IL33: variants seen among roughly 807,000 people sequenced by gnomAD.
IL33 encodes the protein interleukin 33.
A neutral mutation model predicts 27.3 loss-of-function variants in IL33; 37 were observed. The ratio of observed to expected loss-of-function variants is 1.36; its 90% CI spans 1.04 to 1.78. The LOEUF (loss-of-function observed/expected upper bound fraction) is 1.78, where lower values mean the gene tolerates loss of function less well. Among genes scored for constraint, IL33 ranks in the 40% most tolerant of loss-of-function variants. IL33 has a pLI of 0.00. For synonymous variants in IL33, 132 were observed against 102.9 expected, an observed-to-expected ratio of 1.28 and a Z score of -1.71; for missense variants, 406 against 311.4, an observed-to-expected ratio of 1.30 and a Z score of -2.29.
chr9:6,229,668 T>C (rs1281040372), intron 1 of IL33, among the ~76,000 whole-genome samples: 1 of 152,152 alleles, frequency 6.6e-6, no homozygotes. Flanking sequence ...CCTTACTTAG[T>C]TTATAGGGTT....
chr9:6,244,530 A>C (rs1170494068), intron 2 of IL33, among the ~76,000 whole-genome samples: 1 of 152,140 alleles, frequency 6.6e-6, no homozygotes, highest in Non-Finnish European at 1.5e-5. Flanking sequence ...AGAACAACAT[A>C]CTGTAATGAA....
chr9:6,221,376 C>T (rs200402587), intron 1 of IL33, among the ~76,000 whole-genome samples: 24 of 152,026 alleles, frequency 1.6e-4, no homozygotes, highest in African/African-American at 4.8e-4. Context: ...TGGAGGATAC[C>T]GTGCCTAGGA....
chr9:6,227,678 G>T (rs1332494910), intron 1 of IL33, among the ~76,000 whole-genome samples: 1 of 152,040 alleles, frequency 6.6e-6, no homozygotes, highest in Non-Finnish European at 1.5e-5. Context: ...TCCTTATAAT[G>T]CTACTAAATC....
chr9:6,231,139 T>C (rs1818908328), intron 1 of IL33, among the ~76,000 whole-genome samples: 1 of 152,214 alleles, frequency 6.6e-6, no homozygotes, highest in Admixed American at 6.5e-5. Flanking sequence ...TTCCCTCTTA[T>C]TGCCCTCCAT....
In IL33 at chr9:6,252,942, T is replaced by A. The variant is rs777105337; in HGVS notation, c.420T>A (p.Asp140Glu). The A allele has an allele frequency of 1.1e-5, 17 of 1,596,104 alleles. No homozygotes were observed. The highest frequency in any genetic ancestry group is 1.5e-5 in the Non-Finnish European group (17 of 1,165,056). The change falls in exon 5 of 8, where the codon GAT becomes GAA. Residue 140 changes from aspartate (D) to glutamate (E), a missense_variant. Asp to Glu is a conservative substitution (Grantham distance 45). Transcript: ENST00000682010. ...AATCCATTACTTTTGCTTTGGAGGATGAAAGTTATGAGATATATGTTGAAG... is the reference window on the plus strand; with the variant it reads ...AATCCATTACTTTTGCTTTGGAGGAAGAAAGTTATGAGATATATGTTGAAG... ...NDQSITFALE[D>E]ESYEIYVEDL...
chr9:6,255,822 C>G (rs752594722), intron 7 of IL33, 146 bp from the exon 8 acceptor site: 1 of 645,636 alleles, frequency 1.5e-6, no homozygotes, highest in Admixed American at 2.7e-5. Context: ...ACTTCTCCCC[C>G]TCTTCCCTCC....
At chr9:6,235,800 T>C (rs1219223296) in intron 1 of IL33, among the ~76,000 whole-genome samples, 1 of 152,204 alleles carries the variant, frequency 6.6e-6, no homozygotes, top group Non-Finnish European at 1.5e-5. Context: ...ATGACACTCA[T>C]TGTTGCTAGA....
chr9:6,253,670 A>G (rs957924110), intron 6 of IL33, 68 bp downstream of exon 6: 8 of 1,301,282 alleles, frequency 6.1e-6, no homozygotes, highest in Non-Finnish European at 8.7e-6. Flanking sequence ...AAATCCAAAA[A>G]AATCCTTTTT....
rs1819543593 is a variant in IL33 at position 6,241,782 on chromosome 9, G to A, written c.88G>A (p.Gly30Arg). ...TASKALCFKLGKSQQKAKEVC... is the reference protein window; with the variant it reads ...TASKALCFKLRKSQQKAKEVC... ...AAGCAAAGCCTTGTGTTTCAAGCTGGGAAGTAAGGACTTAAGTTATCTCTG... is the reference window on the plus strand; with the variant it reads ...AAGCAAAGCCTTGTGTTTCAAGCTGAGAAGTAAGGACTTAAGTTATCTCTG... Residue 30 changes from glycine (G) to arginine (R), a missense_variant, in exon 2 of 8, where the codon GGA becomes AGA. Transcript: ENST00000682010. 6.2e-7 allele frequency: 1 copy of A among 1,604,272 alleles called. No homozygotes were observed. The highest frequency in any genetic ancestry group is 1.3e-5 in the African/African-American group (1 of 74,498).
Position 6,256,924 on chromosome 9 carries a change from GAAGTA to G in IL33, c.*759_*763del, listed in dbSNP as rs1441431222. ...GCAAGGCATTCTTACACGAGGAAGTGAAGTAAATTTTAGTTCAGACATAAAATTTC... is the reference window on the plus strand; with the variant it reads ...GCAAGGCATTCTTACACGAGGAAGTGAATTTTAGTTCAGACATAAAATTTC... On this transcript the variant is annotated 3_prime_UTR_variant, in exon 8 of 8. Coordinates refer to ENST00000682010, the MANE Select transcript of IL33 (RefSeq NM_033439.4). 3 of 152,034 alleles carry G rather than the reference GAAGTA, an allele frequency of 2.0e-5. No homozygotes were observed. The highest frequency in any genetic ancestry group is 6.6e-5 in the Admixed American group (1 of 15,266). 9.4% of individuals were successfully genotyped at this position (152,034 alleles called of 1,614,324 possible). A position where few individuals can be genotyped will look rare whatever the true frequency, so the allele number is the denominator to read the frequency against.
At chr9:6,237,012 T>G (rs968715619) in intron 1 of IL33, among the ~76,000 whole-genome samples, 4 of 152,252 alleles carry the variant, frequency 2.6e-5, no homozygotes, top group African/African-American at 9.6e-5. Context: ...ACATCAATAC[T>G]GTCATCCAAT....
chr9:6,254,585 A>G (rs371599613), intron 7 of IL33, 32 bp downstream of exon 7: 1 of 1,289,678 alleles, frequency 7.8e-7, no homozygotes, highest in Non-Finnish European at 1.1e-6. Context: ...ATATCTATAT[A>G]TATGATTACA....
chr9:6,248,803 G>A (rs2130398179), intron 2 of IL33, among the ~76,000 whole-genome samples: 1 of 151,758 alleles, frequency 6.6e-6, no homozygotes, highest in East Asian at 1.9e-4. Context: ...GGTCTTGAAT[G>A]TCTAGCCTCA....
chr9:6,228,814 T>G (rs897962565), intron 1 of IL33, among the ~76,000 whole-genome samples: 1 of 146,138 alleles, frequency 6.8e-6, no homozygotes, highest in African/African-American at 2.6e-5. Flanking sequence ...GCCACTGCCC[T>G]CCAGCCTAGG....
intron 1 of IL33, among the ~76,000 whole-genome samples, chr9:6,234,791 A>G (rs1819102378): frequency 6.6e-6 from 1 of 152,084 alleles, no homozygotes; most frequent in Non-Finnish European, 1.5e-5. Context: ...ATGGTGCTTC[A>G]CACAGACATA....
chr9:6,232,366 T>A (rs1818967341), intron 1 of IL33, among the ~76,000 whole-genome samples: 1 of 152,250 alleles, frequency 6.6e-6, no homozygotes, highest in Non-Finnish European at 1.5e-5. Flanking sequence ...GTTGTTGTTG[T>A]TCAGAGGTGA....
rs1228310404 is a variant in IL33, at chr9:6,256,833, A to T, written c.*665A>T. The T allele has an allele frequency of 6.6e-6, 1 of 152,634 alleles. No homozygotes were observed. The highest frequency in any genetic ancestry group is 6.5e-5 in the Admixed American group (1 of 15,288). 9.5% of individuals were successfully genotyped at this position (152,634 alleles called of 1,614,324 possible). On this transcript the variant is annotated 3_prime_UTR_variant, in exon 8 of 8. Transcript: ENST00000682010. ...TTAGAAAAATAAATCCAGTATTTGT[A>T]AAGTGAATAACTTCATTTCTAATTG...
At chr9:6,252,825 A>G in intron 4 of IL33, 41 bp from the exon 5 acceptor site, 4 of 1,587,672 alleles carry the variant, frequency 2.5e-6, no homozygotes, top group African/African-American at 1.4e-5. Context: ...AAGGTTGCCA[A>G]AAGAATTGTG....
intron 2 of IL33, among the ~76,000 whole-genome samples, chr9:6,247,117 A>G (rs10975515): frequency 0.52 from 78,729 of 152,008 alleles, 21,893 homozygotes; most frequent in Non-Finnish European, 0.62. Flanking sequence ...GCCTCTAAAA[A>G]GGTGATTGAA....
Sources: allele counts gnomAD v4.1 joint callset (sites outside exome capture counted in the v4.1 genomes callset), GRCh38; gene constraint gnomAD v4.1.1; transcripts MANE v1.5; gene names NCBI Gene and HGNC (gene_info 2026-07-23, HGNC 2026-07-21).